The following TRPM6 variants were observed in gnomAD, a reference collection of about 807,000 sequenced individuals.
The protein encoded by TRPM6 is transient receptor potential cation channel subfamily M member 6.
TRPM6 carries 111 observed loss-of-function variants against 247.6 expected under a neutral mutation model. The ratio of observed to expected loss-of-function variants is 0.45; its 90% CI spans 0.38 to 0.52. The LOEUF (loss-of-function observed/expected upper bound fraction) is 0.52, where lower values mean the gene tolerates loss of function less well. Ranked by LOEUF, TRPM6 falls within the 20% of genes least tolerant of loss-of-function variation. The pLI is 0.00. For synonymous variants in TRPM6, 892 were observed against 853.8 expected (o/e 1.04, Z -0.78); for missense variants, 2,126 against 2,421.5 (o/e 0.88, Z 2.56).
intron 1 of TRPM6, 44 bp from the exon 2 acceptor site, chr9:74,858,792 A>G: frequency 6.7e-7 from 1 of 1,481,922 alleles, no homozygotes; most frequent in Non-Finnish European, 9.4e-7. Context: ...TTATGTGACA[A>G]AACAATGTAA....
At chr9:74,786,331 G>A (rs567306928) in intron 20 of TRPM6, among the ~76,000 whole-genome samples, 3 of 152,324 alleles carry the variant, frequency 2.0e-5, no homozygotes, top group African/African-American at 4.8e-5. Context: ...TAAGTCATTT[G>A]ATAATACCAG....
chr9:74,885,358 C>T (rs184491366), intron 1 of TRPM6, among the ~76,000 whole-genome samples: 17 of 152,176 alleles, frequency 1.1e-4, no homozygotes, highest in Middle Eastern at 3.4e-3. Context: ...GATGACTAAA[C>T]CTCAAAAACC....
intron 1 of TRPM6, among the ~76,000 whole-genome samples, chr9:74,886,706 G>C (rs940802994): frequency 1.3e-5 from 2 of 152,034 alleles, no homozygotes; most frequent in African/African-American, 4.8e-5. Context: ...CTTACAACCT[G>C]CTAAATACGT....
intron 6 of TRPM6, 58 bp from the exon 7 acceptor site, chr9:74,828,007 C>T: frequency 1.3e-6 from 2 of 1,568,042 alleles, no homozygotes; most frequent in Non-Finnish European, 1.8e-6. Context: ...CCAGGCTCAC[C>T]TGCTCCAAAG....
intron 1 of TRPM6, among the ~76,000 whole-genome samples, chr9:74,871,287 T>C (rs908035655): frequency 6.6e-6 from 1 of 152,048 alleles, no homozygotes; most frequent in African/African-American, 2.4e-5. Flanking sequence ...AGCCATCCAG[T>C]TTCCCTCTCA....
intron 3 of TRPM6, among the ~76,000 whole-genome samples, chr9:74,844,109 T>G (rs1830031615): frequency 6.6e-6 from 1 of 152,168 alleles, no homozygotes; most frequent in South Asian, 2.1e-4. Context: ...AGAGCACAAG[T>G]GGAGTACATT....
chr9:74,732,594 C>G, intron 37 of TRPM6, 91 bp downstream of exon 37: 1 of 976,230 alleles, frequency 1.0e-6, no homozygotes, highest in Non-Finnish European at 1.6e-6. Flanking sequence ...AGGATCTAGG[C>G]AGGGAACATA....
At position 74,887,900 on chromosome 9, in the gene TRPM6, T is replaced by G. The variant is rs1255027832; in HGVS notation, c.-44A>C. 1.2e-6 allele frequency: 2 copies of G among 1,613,108 alleles called. No individual in the cohort carries two copies. The highest frequency in any genetic ancestry group is 1.7e-6 in the Non-Finnish European group (2 of 1,179,420). ...GCTCCCAAAGCCCTGTCTGAGCTTTTAACTGTGGAGGCAGAAACTCTGGGC... is the reference window on the plus strand; with the variant it reads ...GCTCCCAAAGCCCTGTCTGAGCTTTGAACTGTGGAGGCAGAAACTCTGGGC... On this transcript the variant is annotated 5_prime_UTR_variant, in exon 1 of 39. Coordinates refer to ENST00000360774, the MANE Select transcript of TRPM6 (RefSeq NM_017662.5).
At chr9:74,883,087 T>G (rs1408868743) in intron 1 of TRPM6, among the ~76,000 whole-genome samples, 6 of 152,214 alleles carry the variant, frequency 3.9e-5, no homozygotes, top group African/African-American at 1.4e-4. Flanking sequence ...TTTCTATAGA[T>G]GCCTCATAAG....
At chr9:74,749,235 T>C (rs965298345) in intron 30 of TRPM6, among the ~76,000 whole-genome samples, 2 of 152,190 alleles carry the variant, frequency 1.3e-5, no homozygotes, top group Non-Finnish European at 1.5e-5. Context: ...AATTGATGCA[T>C]GACTGTATAT....
At position 74,739,819 on chromosome 9, in the gene TRPM6, C is replaced by T. The variant is rs779136612; in HGVS notation, c.5391G>A (p.Pro1797=). 39 of 1,613,992 alleles carry T rather than the reference C, an allele frequency of 2.4e-5. No individual in the cohort carries two copies. The South Asian group carries it at 3.1e-4, about 13-fold the overall frequency. ...STWSEDDILK[P]GQVFIVKSFL... The stretch of plus-strand genomic sequence containing the variant: ...AGGACTTGACAATGAAAACTTGTCC[C>T]GGCTTGAGAATGTCATCCTCAGACC... The change falls in exon 34 of 39, where the codon CCG becomes CCA. Residue 1797 remains proline (P), a synonymous_variant. Coordinates refer to ENST00000360774, the MANE Select transcript of TRPM6 (RefSeq NM_017662.5).
Position 74,776,005 on chromosome 9 carries a change from G to A in TRPM6, c.3281C>T (p.Thr1094Ile). 5.0e-6 allele frequency: 8 copies of A among 1,614,136 alleles called. No homozygotes were observed. Among genetic ancestry groups the A allele is most frequent in the Non-Finnish European group, 6.8e-6 (8 of 1,180,012 alleles). The change falls in exon 24 of 39, where the codon ACC (threonine) becomes ATC (isoleucine). Residue 1094 changes from threonine (T) to isoleucine (I), a missense_variant. Physicochemically the swap from Thr to Ile is moderately conservative, Grantham distance 89. Transcript: ENST00000360774. The part of the protein sequence containing the change: ...WKYNRYRYIM[T>I]YHEKPWLPPP... ...GGGCAGCCAGGGCTTCTCGTGGTAG[G>A]TCATGATGTAGCGATAGCGGTTGTA...
chr9:74,866,282 C>G (rs530094719), intron 1 of TRPM6, among the ~76,000 whole-genome samples: 1 of 152,240 alleles, frequency 6.6e-6, no homozygotes, highest in South Asian at 2.1e-4. Context: ...GAAGACACAA[C>G]TGGATTTTGC....
intron 19 of TRPM6, among the ~76,000 whole-genome samples, chr9:74,789,361 CTGTGTATAT>C (rs1284983342): frequency 1.3e-5 from 2 of 152,120 alleles, no homozygotes; most frequent in Non-Finnish European, 2.9e-5. Context: ...TGTCTAATTA[CTGTGTATAT>C]ATATGTATGC....
At chr9:74,818,599 G>C (rs956998619) in intron 9 of TRPM6, among the ~76,000 whole-genome samples, 1 of 152,132 alleles carries the variant, frequency 6.6e-6, no homozygotes, top group Non-Finnish European at 1.5e-5. Context: ...CAACGTGTCC[G>C]AGCATATCTG....
chr9:74,854,898 C>T (rs908512384), intron 3 of TRPM6, among the ~76,000 whole-genome samples: 3 of 152,140 alleles, frequency 2.0e-5, no homozygotes, highest in African/African-American at 7.2e-5. Context: ...CCAAACTGGC[C>T]TCAAATCAGA....
In TRPM6 at chr9:74,827,839, T is replaced by G; in HGVS notation, c.780A>C (p.Gly260=). 1 of 1,614,086 alleles carries G rather than the reference T, an allele frequency of 6.2e-7. No homozygotes were observed. The highest frequency in any genetic ancestry group is 8.5e-7 in the Non-Finnish European group (1 of 1,180,016). The stretch of plus-strand genomic sequence containing the variant: ...GGTTCCTTCTGAGCTTCATTTCATT[T>G]CCATACTTGCCCACGGTCCCATCAT... ...LSDDGTVGKY[G]NEMKLRRNLE... is the part of the protein sequence containing the mutation. Residue 260 remains glycine (G), a synonymous_variant, in exon 7 of 39, where the codon GGA becomes GGC. Transcript: ENST00000360774.
rs758083875 is a variant in TRPM6, at chr9:74,887,843, G to C, written c.14C>G (p.Pro5Arg). 3 of 1,614,154 alleles carry C rather than the reference G, an allele frequency of 1.9e-6. No individual in the cohort carries two copies. Among genetic ancestry groups the C allele is most frequent in the Non-Finnish European group, 2.5e-6 (3 of 1,180,024 alleles). Residue 5 changes from proline (P) to arginine (R), a missense_variant, in exon 1 of 39, where the codon CCT becomes CGT. By Grantham distance (103) the Pro-to-Arg change is moderately radical. Transcript: ENST00000360774. MKEQ[P>R]VLERLQSQKS... ...GCTTACCTGCAAGCGCTCCAAGACA[G>C]GTTGTTCTTTCATCTTTGATTTGCA...
chr9:74,883,671 G>C (rs1054469770), intron 1 of TRPM6, among the ~76,000 whole-genome samples: 3 of 152,112 alleles, frequency 2.0e-5, no homozygotes, highest in Non-Finnish European at 4.4e-5. Context: ...AGTGAAACAA[G>C]TTACAGATCA....
Sources: allele counts gnomAD v4.1 joint callset (sites outside exome capture counted in the v4.1 genomes callset), GRCh38; gene constraint gnomAD v4.1.1; transcripts MANE v1.5; gene names NCBI Gene and HGNC (gene_info 2026-07-23, HGNC 2026-07-21).